CACNA1C: variants seen among roughly 807,000 people sequenced by gnomAD.
CACNA1C encodes calcium voltage-gated channel subunit alpha1 C, also known as voltage-dependent L-type calcium channel subunit alpha-1C.
A neutral mutation model predicts 229.0 loss-of-function variants in CACNA1C; 30 were observed. The ratio of observed to expected loss-of-function variants is 0.13; its 90% CI spans 0.10 to 0.18. The LOEUF (loss-of-function observed/expected upper bound fraction) is 0.18. Ranked by LOEUF, CACNA1C falls within the 10% of genes least tolerant of loss-of-function variation. The pLI is 1.00. For synonymous variants in CACNA1C, 1,114 were observed against 1,132.5 expected (o/e 0.98, Z 0.33); for missense variants, 1,658 against 2,845.0 (o/e 0.58, Z 9.49).
rs186698516 is a variant in CACNA1C, at chr12:2,654,693, G to A, written c.4141-454G>A. ...AGATAAGCACAGCTTTAAAAGACCA[G>A]GAAGAAAAGGGATTTCAGGAATGCA... On this transcript the variant is annotated intron_variant, in intron 33 of 46. Transcript: ENST00000399655. This position sits in a 1 kb window ranked among gnomAD's most constrained non-coding sequence, Gnocchi z 4.4. Among the ~76,000 whole-genome samples the A allele has an allele frequency of 6.6e-6, 1 of 152,300 alleles. No individual in the cohort carries two copies. The highest frequency in any genetic ancestry group is 6.5e-5 in the Admixed American group (1 of 15,304).
At chr12:2,565,382 G>A (rs983240845) in intron 11 of CACNA1C, among the ~76,000 whole-genome samples, 2 of 151,480 alleles carry the variant, frequency 1.3e-5, no homozygotes, top group Admixed American at 1.3e-4. Flanking sequence ...CAGGAGAATG[G>A]CGTGAACCCG....
At chr12:2,234,901 G>A (rs145800814) in intron 3 of CACNA1C, among the ~76,000 whole-genome samples, 20 of 152,234 alleles carry the variant, frequency 1.3e-4, no homozygotes, top group Middle Eastern at 3.4e-3. Flanking sequence ...GAGCGATTCT[G>A]GGAAGAAGGC....
chr12:2,676,730 TAAAA>T (rs35552109), intron 39 of CACNA1C: 1 of 167,938 alleles, frequency 6.0e-6, no homozygotes, highest in Non-Finnish European at 1.2e-5. Context: ...TCAGTTCAGT[TAAAA>T]AAAAAAAAGC....
rs769538757 is a variant in CACNA1C, at chr12:2,664,821, C to T, written c.4233-4C>T. 2.7e-5 allele frequency: 42 copies of T among 1,577,536 alleles called. No individual in the cohort carries two copies. In the South Asian group the frequency reaches 4.6e-4, roughly 17 times the overall value. ...GCATGAACGTGGCTCTCCCTCCCCTCCAGGTGTGCCACCGGGGAGGCCTGG... is the reference window on the plus strand; with the variant it reads ...GCATGAACGTGGCTCTCCCTCCCCTTCAGGTGTGCCACCGGGGAGGCCTGG... On this transcript the variant is annotated splice_polypyrimidine_tract_variant and splice_region_variant and intron_variant, in intron 34 of 46. Transcript: ENST00000399655.
intron 1 of CACNA1C, among the ~76,000 whole-genome samples, chr12:1,983,253 C>A (rs1162217169): frequency 1.3e-5 from 2 of 149,756 alleles, no homozygotes; most frequent in East Asian, 2.0e-4. Flanking sequence ...TCATTGATTT[C>A]TCTTCTTTTT....
In CACNA1C at chr12:2,679,727, A is replaced by G. The variant is rs374177870; in HGVS notation, c.5375A>G (p.Glu1792Gly). The G allele has an allele frequency of 3.8e-5, 61 of 1,606,640 alleles. No individual in the cohort carries two copies. Among genetic ancestry groups the G allele is most frequent in the African/African-American group, 2.8e-4 (21 of 74,722 alleles). ...AGYPSTVSTVEGHGPPLSPAI... is the reference protein window; with the variant it reads ...AGYPSTVSTVGGHGPPLSPAI... ...TACCCCAGCACGGTCAGCACTGTGG[A>G]GGGCCACGGGCCCCCCTTGTCCCCT... is the stretch of plus-strand genomic sequence containing the variant. The change falls in exon 42 of 47, where the codon GAG becomes GGG. Residue 1792 changes from glutamate (E) to glycine (G), a missense_variant. Glu to Gly is a moderately conservative substitution (Grantham distance 98). This residue lies in a region of CACNA1C where 590 missense variants were observed against 700.8 expected (regional missense o/e 0.84). Transcript: ENST00000399655. This position sits in a 1 kb window ranked among gnomAD's most constrained non-coding sequence, Gnocchi z 5.5.
intron 3 of CACNA1C, among the ~76,000 whole-genome samples, chr12:2,363,683 C>T (rs953171573): frequency 3.9e-5 from 6 of 152,070 alleles, no homozygotes; most frequent in African/African-American, 1.4e-4. Flanking sequence ...AGAATAGCCA[C>T]AATATGTGTG....
chr12:2,559,059 G>A (rs2046138927), intron 11 of CACNA1C, among the ~76,000 whole-genome samples: 1 of 152,190 alleles, frequency 6.6e-6, no homozygotes, highest in Non-Finnish European at 1.5e-5. Flanking sequence ...GGGTGAGTGA[G>A]TAATTAATAA....
At chr12:2,496,728 C>T (rs951201523) in intron 7 of CACNA1C, among the ~76,000 whole-genome samples, 3 of 152,200 alleles carry the variant, frequency 2.0e-5, no homozygotes, top group Admixed American at 6.5e-5. Context: ...TCCAACAAGC[C>T]GAGCAATTTG....
At chr12:2,560,197 G>T (rs2154592805) in intron 11 of CACNA1C, among the ~76,000 whole-genome samples, 1 of 152,242 alleles carries the variant, frequency 6.6e-6, no homozygotes, top group South Asian at 2.1e-4. Flanking sequence ...GTTCACTGAT[G>T]GTGTCTGCTT....
intron 30 of CACNA1C, among the ~76,000 whole-genome samples, chr12:2,644,353 C>A (rs1045916980): frequency 1.3e-5 from 2 of 152,200 alleles, no homozygotes; most frequent in Admixed American, 6.5e-5. Flanking sequence ...TGCTCTCTGG[C>A]CACCTGACCG....
intron 9 of CACNA1C, among the ~76,000 whole-genome samples, chr12:2,517,654 C>T (rs1012914995): frequency 1.3e-5 from 2 of 152,210 alleles, no homozygotes; most frequent in Admixed American, 6.5e-5. Flanking sequence ...GACTGCTTCT[C>T]CCCTCCCTCT....
intron 1 of CACNA1C, among the ~76,000 whole-genome samples, chr12:2,077,605 C>T (rs1338530589): frequency 6.6e-6 from 1 of 152,098 alleles, no homozygotes; most frequent in Non-Finnish European, 1.5e-5. Context: ...TTCAAAATAG[C>T]TAATGCCATG....
chr12:2,440,038 C>G (rs1307604955), intron 3 of CACNA1C, among the ~76,000 whole-genome samples: 2 of 152,192 alleles, frequency 1.3e-5, no homozygotes, highest in Non-Finnish European at 2.9e-5. Flanking sequence ...TAGGCTCACC[C>G]TGCGCATCTG....
intron 11 of CACNA1C, among the ~76,000 whole-genome samples, chr12:2,565,901 T>C (rs553478653): frequency 2.0e-5 from 3 of 152,174 alleles, no homozygotes; most frequent in Non-Finnish European, 2.9e-5. Context: ...TGCTGTGATA[T>C]TGGTCGAGTA....
intron 30 of CACNA1C, 136 bp from the exon 31 acceptor site, chr12:2,648,339 C>G (rs2094555053): frequency 1.2e-6 from 1 of 808,530 alleles, no homozygotes; most frequent in African/African-American, 1.7e-5. Flanking sequence ...CAGGCCTACG[C>G]TTTCACGTTT....
At chr12:2,229,539 C>T (rs2064081291) in intron 3 of CACNA1C, among the ~76,000 whole-genome samples, 1 of 152,108 alleles carries the variant, frequency 6.6e-6, no homozygotes, top group Admixed American at 6.5e-5. Context: ...ATAAGTTAAA[C>T]ACACTTTGTT....
At chr12:2,273,780 C>T (rs547926136) in intron 3 of CACNA1C, among the ~76,000 whole-genome samples, 109 of 152,306 alleles carry the variant, frequency 7.2e-4, no homozygotes, top group Non-Finnish European at 1.3e-3. Flanking sequence ...GGAAGGGAGA[C>T]GGTCAACCCC....
At chr12:2,340,287 G>T (rs976555862) in intron 3 of CACNA1C, among the ~76,000 whole-genome samples, 2 of 152,210 alleles carry the variant, frequency 1.3e-5, no homozygotes, top group African/African-American at 4.8e-5. Flanking sequence ...GAAAAGTTAT[G>T]TTTTTTGCTT....
Sources: allele counts gnomAD v4.1 joint callset (sites outside exome capture counted in the v4.1 genomes callset), GRCh38; gene constraint gnomAD v4.1.1; regional missense constraint gnomAD v4.1.1; non-coding constraint Gnocchi (gnomAD v3.1); transcripts MANE v1.5; gene names NCBI Gene and HGNC (gene_info 2026-07-23, HGNC 2026-07-21).